STIM2: variants seen among roughly 807,000 people sequenced by gnomAD.
STIM2 encodes stromal interaction molecule 2.
A neutral mutation model predicts 85.8 loss-of-function variants in STIM2; 31 were observed. The observed-to-expected ratio is 0.36, with a 90% CI of 0.27 to 0.49. The LOEUF (loss-of-function observed/expected upper bound fraction) is 0.49, where lower values mean the gene tolerates loss of function less well. Ranked by LOEUF, STIM2 falls within the 20% of genes least tolerant of loss-of-function variation. STIM2 has a pLI of 0.98. For missense variants in STIM2, 841 were observed against 927.6 expected (o/e 0.91, Z 1.21); for synonymous variants, 356 against 331.1 (o/e 1.08, Z -0.82).
chr4:26,985,735 G>C (rs1348512764), intron 3 of STIM2, among the ~76,000 whole-genome samples: 1 of 152,080 alleles, frequency 6.6e-6, no homozygotes, highest in Non-Finnish European at 1.5e-5. Flanking sequence ...ATCAGAAGTT[G>C]ATTTCCCTAA....
chr4:26,861,379 C>A lies in STIM2; in HGVS notation c.151+10C>A. Reference sequence around the variant, plus strand: ...CCGGCGCTCATGACAGGTGAGGGGCCGGGGGGCGGCGGGCGGGGCTCGGCC... The same window carrying A: ...CCGGCGCTCATGACAGGTGAGGGGCAGGGGGGCGGCGGGCGGGGCTCGGCC... On this transcript the variant is annotated intron_variant, in intron 1 of 11. Coordinates refer to ENST00000467087, the MANE Select transcript of STIM2 (RefSeq NM_020860.4). The A allele has an allele frequency of 7.8e-7, 1 of 1,287,902 alleles. No individual in the cohort carries two copies. The highest frequency in any genetic ancestry group is 9.8e-7 in the Non-Finnish European group (1 of 1,021,826). 79.8% of individuals were successfully genotyped at this position (1,287,902 alleles called of 1,614,324 possible).
chr4:26,950,296 T>A (rs1725997419), intron 2 of STIM2, among the ~76,000 whole-genome samples: 1 of 152,226 alleles, frequency 6.6e-6, no homozygotes, highest in African/African-American at 2.4e-5. Flanking sequence ...ATTTTTGTCT[T>A]ATTGGTATTA....
Position 27,022,667 on chromosome 4 carries a change from G to C in STIM2, c.1912G>C (p.Gly638Arg), listed in dbSNP as rs1479943043. The C allele has an allele frequency of 1.2e-5, 19 of 1,614,044 alleles. No individual in the cohort carries two copies. The Admixed American group carries it at 3.2e-4, about 27-fold the overall frequency. Reference sequence around the variant, plus strand: ...GGTGTCCCTAGAGGATTCCTCCCGAGGGGATTCGCCTGTAACTGTGGATGT... The same window carrying C: ...GGTGTCCCTAGAGGATTCCTCCCGACGGGATTCGCCTGTAACTGTGGATGT... Residue 638 changes from glycine (G) to arginine (R), a missense_variant, in exon 12 of 12, where the codon GGG (glycine) becomes CGG (arginine). Gly to Arg is a moderately radical substitution (Grantham distance 125). Coordinates refer to ENST00000467087, the MANE Select transcript of STIM2 (RefSeq NM_020860.4).
rs547663196 is a variant in STIM2 at position 26,909,899 on chromosome 4, G to A, written c.152-9605G>A. ...ATGAGCTAGGGTCTCAAAAGGGCCA[G>A]TGCTGCTTGGAATCCTGGTTCTTAA... On this transcript the variant is annotated intron_variant, in intron 1 of 11. Coordinates refer to ENST00000467087, the MANE Select transcript of STIM2 (RefSeq NM_020860.4). Among the ~76,000 whole-genome samples the A allele has an allele frequency of 2.0e-5, 3 of 152,332 alleles. No homozygotes were observed. In the East Asian group the frequency reaches 5.8e-4, roughly 29 times the overall value.
At chr4:26,934,780 G>C (rs1043379448) in intron 2 of STIM2, among the ~76,000 whole-genome samples, 10 of 152,008 alleles carry the variant, frequency 6.6e-5, no homozygotes, top group African/African-American at 2.4e-4. Context: ...GGGCATATTG[G>C]CACATGCCTG....
Position 27,008,499 on chromosome 4 carries a change from T to C in STIM2, c.1221T>C (p.Asp407=), listed in dbSNP as rs772672264. 1 of 1,601,774 alleles carries C rather than the reference T, an allele frequency of 6.2e-7. No homozygotes were observed. The highest frequency in any genetic ancestry group is 1.1e-5 in the South Asian group (1 of 87,118). ...ACGTTGCACACAGCTCCTCCCTAGATGAGGTAGACCACAAAATTCTGGAAG... is the reference window on the plus strand; with the variant it reads ...ACGTTGCACACAGCTCCTCCCTAGACGAGGTAGACCACAAAATTCTGGAAG... Residue 407 remains aspartate (D), a synonymous_variant, in exon 9 of 12, where the codon GAT becomes GAC. Transcript: ENST00000467087.
intron 2 of STIM2, among the ~76,000 whole-genome samples, chr4:26,920,548 T>G (rs1724757348): frequency 6.6e-6 from 1 of 152,222 alleles, no homozygotes; most frequent in Admixed American, 6.5e-5. Context: ...ATTGCTTCTC[T>G]TTCAGATTAT....
intron 1 of STIM2, among the ~76,000 whole-genome samples, chr4:26,911,060 A>C (rs1025765014): frequency 2.6e-5 from 4 of 151,934 alleles, no homozygotes; most frequent in African/African-American, 4.8e-5. Flanking sequence ...AACATGCTGA[A>C]TCCCCATCTC....
In STIM2 at chr4:26,860,935, T is replaced by C; in HGVS notation, c.-284T>C. The C allele has an allele frequency of 8.6e-7, 1 of 1,165,420 alleles. No homozygotes were observed. The highest frequency in any genetic ancestry group is 1.1e-6 in the Non-Finnish European group (1 of 934,478). 72.2% of individuals were successfully genotyped at this position (1,165,420 alleles called of 1,614,324 possible). A position where few individuals can be genotyped will look rare whatever the true frequency, so the allele number is the denominator to read the frequency against. ...TTTCTACCCCCCACCTTTTTTTTTTTTTTTTTTAAATAACCGGAACCAATG... is the reference window on the plus strand; with the variant it reads ...TTTCTACCCCCCACCTTTTTTTTTTCTTTTTTTAAATAACCGGAACCAATG... On this transcript the variant is annotated 5_prime_UTR_variant, in exon 1 of 12. Transcript: ENST00000467087.
intron 3 of STIM2, among the ~76,000 whole-genome samples, chr4:26,990,435 T>G (rs1727727612): frequency 6.6e-6 from 1 of 152,082 alleles, no homozygotes; most frequent in Non-Finnish European, 1.5e-5. Flanking sequence ...CTCTACCATA[T>G]GCAAAAATCA....
intron 3 of STIM2, among the ~76,000 whole-genome samples, chr4:26,981,803 C>A (rs188627843): frequency 2.6e-5 from 4 of 152,156 alleles, no homozygotes; most frequent in African/African-American, 9.7e-5. Context: ...GCATTTTGGG[C>A]TGGACTATCA....
At chr4:26,988,270 C>T (rs1448481540) in intron 3 of STIM2, among the ~76,000 whole-genome samples, 1 of 152,084 alleles carries the variant, frequency 6.6e-6, no homozygotes, top group South Asian at 2.1e-4. Flanking sequence ...AATCCTATGG[C>T]AGATATAAGT....
At chr4:26,954,186 G>C (rs1726157283) in intron 2 of STIM2, among the ~76,000 whole-genome samples, 1 of 152,142 alleles carries the variant, frequency 6.6e-6, no homozygotes, top group Non-Finnish European at 1.5e-5. Flanking sequence ...ACAGGTATGA[G>C]AAACTGAAAT....
chr4:26,927,816 A>G (rs1364597396), intron 2 of STIM2, among the ~76,000 whole-genome samples: 2 of 145,760 alleles, frequency 1.4e-5, no homozygotes, highest in Non-Finnish European at 3.0e-5. Context: ...TATAAAATCT[A>G]TTAAAAATAT....
At chr4:26,883,516 T>C (rs376252700) in intron 1 of STIM2, among the ~76,000 whole-genome samples, 2 of 152,128 alleles carry the variant, frequency 1.3e-5, no homozygotes, top group East Asian at 1.9e-4. Flanking sequence ...TACTGTATTA[T>C]AGAAACACAG....
At chr4:26,889,462 G>A (rs1440327225) in intron 1 of STIM2, among the ~76,000 whole-genome samples, 1 of 152,202 alleles carries the variant, frequency 6.6e-6, no homozygotes, top group African/African-American at 2.4e-5. Flanking sequence ...GGCATTCTGT[G>A]GGTTTGGCAG....
In STIM2 at chr4:27,004,510, A is replaced by G. The variant is rs144385989; in HGVS notation, c.981+1406A>G. On this transcript the variant is annotated intron_variant, in intron 7 of 11. Coordinates refer to ENST00000467087, the MANE Select transcript of STIM2 (RefSeq NM_020860.4). ...ATTTCTGTCTTTCTAAACTTTGTAT[A>G]TAAAAAAGAGCGAATCAGAAAACAG... Among the ~76,000 whole-genome samples, 786 of 152,240 alleles carry G rather than the reference A, an allele frequency of 5.2e-3. 8 individuals are homozygous for G. The highest frequency in any genetic ancestry group is 0.018 in the African/African-American group (763 of 41,538).
At chr4:26,916,892 C>G (rs1435662706) in intron 1 of STIM2, among the ~76,000 whole-genome samples, 2 of 152,158 alleles carry the variant, frequency 1.3e-5, no homozygotes, top group Non-Finnish European at 2.9e-5. Flanking sequence ...GTCTACATGT[C>G]TTCCTTCTCA....
intron 2 of STIM2, among the ~76,000 whole-genome samples, chr4:26,920,285 A>G (rs545149625): frequency 4.3e-4 from 66 of 152,322 alleles, no homozygotes; most frequent in African/African-American, 1.5e-3. Flanking sequence ...GGCTAAGCTC[A>G]GAATCTGTGT....
Sources: gnomAD v4.1 joint callset for allele counts (sites outside exome capture counted in the v4.1 genomes callset) on GRCh38, gnomAD v4.1.1 for gene constraint, MANE v1.5 for transcripts, NCBI Gene and HGNC (gene_info 2026-07-23, HGNC 2026-07-21) for gene names.